The following GLB1L3 variants were observed in gnomAD, a reference collection of about 807,000 sequenced individuals.
The protein encoded by GLB1L3 is galactosidase beta 1 like 3.
GLB1L3 carries 89 observed loss-of-function variants against 89.5 expected under a neutral mutation model. The observed-to-expected ratio is 0.99, with a 90% confidence interval of 0.84 to 1.19. The LOEUF (loss-of-function observed/expected upper bound fraction) is 1.19. Among genes scored for constraint, GLB1L3 ranks in the 50% most tolerant of loss-of-function variants. The pLI, the probability that GLB1L3 is intolerant of heterozygous loss-of-function variation, is 0.00. For missense variants in GLB1L3, 812 were observed against 813.3 expected, an observed-to-expected ratio of 1.00 and a Z score of 0.02; for synonymous variants, 314 against 312.3, an observed-to-expected ratio of 1.01 and a Z score of -0.06.
Position 134,308,093 on chromosome 11 carries a change from CAAT to C in GLB1L3, c.961+889_961+891del, listed in dbSNP as rs1220505459. 2.0e-5 allele frequency among the ~76,000 whole-genome samples: 3 copies of C among 151,256 alleles called. No individual in the cohort carries two copies. In the South Asian group the frequency reaches 6.3e-4, roughly 32 times the overall value. On this transcript the variant is annotated intron_variant, in intron 10 of 19. Coordinates refer to ENST00000431683, the MANE Select transcript of GLB1L3 (RefSeq NM_001080407.3). ...ACAATAATACCATCACTACCACCAA[CAAT>C]AATGCCAGCAACAATACCACCACCA...
rs377677751 is a variant in GLB1L3, at chr11:134,281,480, G to A, written c.431+35G>A. On this transcript the variant is annotated intron_variant, in intron 4 of 19. Transcript: ENST00000431683. ...GTTGCTGCTTCTGTGCCCTGGTCAG[G>A]GGCAGGGCACAGAGGTGGCTACTGG... 8.3e-4 allele frequency: 1,291 copies of A among 1,546,142 alleles called. 84 individuals carry two copies. Among genetic ancestry groups the A allele is most frequent in the Non-Finnish European group, 1.0e-3 (1,135 of 1,125,708 alleles).
chr11:134,289,455 G>T (rs1010870570), intron 7 of GLB1L3, among the ~76,000 whole-genome samples: 4 of 152,058 alleles, frequency 2.6e-5, no homozygotes, highest in African/African-American at 9.7e-5. Flanking sequence ...GGATCCGCAC[G>T]GTTCAAACCT....
chr11:134,292,326 C>T, intron 8 of GLB1L3, 113 bp downstream of exon 8: 1 of 705,392 alleles, frequency 1.4e-6, no homozygotes, highest in Non-Finnish European at 2.5e-6. Flanking sequence ...TTTCCCGTGT[C>T]CACTGGGATG....
intron 6 of GLB1L3, among the ~76,000 whole-genome samples, chr11:134,286,270 T>C (rs2136124693): frequency 6.6e-6 from 1 of 152,204 alleles, no homozygotes; most frequent in East Asian, 1.9e-4. Flanking sequence ...AAAGGAAGAA[T>C]GTGAGAGAGA....
At position 134,292,180 on chromosome 11, in the gene GLB1L3, G is replaced by A. The variant is rs758676879; in HGVS notation, c.778G>A (p.Glu260Lys). Residue 260 changes from glutamate to lysine, a missense_variant, in exon 8 of 20, where the codon GAG (glutamate) becomes AAG (lysine). Physicochemically the swap from Glu to Lys is moderately conservative, Grantham distance 56. Transcript: ENST00000431683. ...GGAGCTTCTCTTGACCTCTGATGGT[G>A]AGAAACATGTGCTGAGTGGCCACAC... ...IVELLLTSDG[E>K]KHVLSGHTKG... 6.2e-7 allele frequency: 1 copy of A among 1,613,682 alleles called. No homozygotes were observed. Among genetic ancestry groups the A allele is most frequent in the South Asian group, 1.1e-5 (1 of 91,006 alleles).
Position 134,318,724 on chromosome 11 carries a change from T to G in GLB1L3, c.1873T>G (p.Trp625Gly), listed in dbSNP as rs1338587925. The part of the protein sequence containing the change: ...PQKTLYLPGV[W>G]LHPEDNEVIL... ...GAAAACACTGTACCTTCCTGGAGTT[T>G]GGCTTCATCCAGAAGACAATGAGGT... Residue 625 changes from tryptophan (W) to glycine (G), a missense_variant, in exon 19 of 20, where the codon TGG becomes GGG. Trp to Gly is a radical substitution (Grantham distance 184). Around this residue, in one of 3 missense-constraint regions of GLB1L3, gnomAD observed 618 missense variants for 604.0 expected, o/e 1.02. Coordinates refer to ENST00000431683, the MANE Select transcript of GLB1L3 (RefSeq NM_001080407.3). 3.7e-6 allele frequency: 6 copies of G among 1,611,382 alleles called. No individual in the cohort carries two copies. The Admixed American group carries it at 1.0e-4, about 27-fold the overall frequency.
intron 10 of GLB1L3, 46 bp downstream of exon 10, chr11:134,307,254 T>C (rs769308484): frequency 1.6e-5 from 22 of 1,376,266 alleles, no homozygotes; most frequent in Non-Finnish European, 2.1e-5. Flanking sequence ...TGGCCCCAGG[T>C]CCCATGAGAA....
intron 6 of GLB1L3, among the ~76,000 whole-genome samples, chr11:134,285,359 G>A (rs1469275057): frequency 1.3e-5 from 2 of 152,118 alleles, no homozygotes; most frequent in East Asian, 1.9e-4. Flanking sequence ...CGGTCTACAA[G>A]ACAGCATTGT....
At chr11:134,310,908 C>A in intron 12 of GLB1L3, 156 bp from the exon 13 acceptor site, 1 of 661,198 alleles carries the variant, frequency 1.5e-6, no homozygotes. Flanking sequence ...GTGATGACTG[C>A]GAAGATTGAG....
chr11:134,313,885 G>A, intron 16 of GLB1L3, 56 bp from the exon 17 acceptor site: 1 of 1,135,984 alleles, frequency 8.8e-7, no homozygotes, highest in Non-Finnish European at 1.3e-6. Context: ...CCAGATGCTA[G>A]AGAATATCCA....
Position 134,307,168 on chromosome 11 carries a change from C to T in GLB1L3, c.921C>T (p.Phe307=), listed in dbSNP as rs764686703. The change falls in exon 10 of 20, where the codon TTC becomes TTT. Residue 307 remains phenylalanine (F), a synonymous_variant. Coordinates refer to ENST00000431683, the MANE Select transcript of GLB1L3 (RefSeq NM_001080407.3). ...TTATGGAATACTGGGTCGGCTGGTTCGACAGATGGGGAGATAAGCACCATG... is the reference window on the plus strand; with the variant it reads ...TTATGGAATACTGGGTCGGCTGGTTTGACAGATGGGGAGATAAGCACCATG... The part of the protein sequence containing the change: ...LLIMEYWVGW[F]DRWGDKHHVK... The T allele has an allele frequency of 1.6e-5, 26 of 1,613,346 alleles. 1 individual carries two copies. The highest frequency in any genetic ancestry group is 9.9e-5 in the South Asian group (9 of 90,994).
intron 8 of GLB1L3, 49 bp downstream of exon 8, chr11:134,292,262 C>A: frequency 7.1e-7 from 1 of 1,409,110 alleles, no homozygotes; most frequent in Non-Finnish European, 1.0e-6. Context: ...TCAGCCAGCC[C>A]GTGTAAATCT....
rs537771618 is a variant in GLB1L3, at chr11:134,277,935, C to T, written c.362+23C>T. 1.1e-5 allele frequency: 17 copies of T among 1,610,278 alleles called. No homozygotes were observed. The Admixed American group carries it at 2.2e-4, about 21-fold the overall frequency. On this transcript the variant is annotated intron_variant, in intron 3 of 19. Coordinates refer to ENST00000431683, the MANE Select transcript of GLB1L3 (RefSeq NM_001080407.3). ...CACGTGAGTGCCGGCCCCTCACCTC[C>T]AGGATCTCGTTACCCTACAAGTGCA...
Position 134,318,703 on chromosome 11 carries a change from A to G in GLB1L3, c.1852A>G (p.Thr618Ala), listed in dbSNP as rs1565425396. The G allele has an allele frequency of 6.2e-7, 1 of 1,613,082 alleles. No homozygotes were observed. The highest frequency in any genetic ancestry group is 8.5e-7 in the Non-Finnish European group (1 of 1,179,348). The change falls in exon 19 of 20, where the codon ACA (threonine) becomes GCA (alanine). Residue 618 changes from threonine to alanine, a missense_variant. By Grantham distance (58) the Thr-to-Ala change is moderately conservative. Coordinates refer to ENST00000431683, the MANE Select transcript of GLB1L3 (RefSeq NM_001080407.3). ...GRYWNIGPQK[T>A]LYLPGVWLHP... The stretch of plus-strand genomic sequence containing the variant: ...ATATTGGAATATTGGGCCTCAGAAA[A>G]CACTGTACCTTCCTGGAGTTTGGCT...
chr11:134,322,159 A>G (rs1204127038), downstream of GLB1L3, among the ~76,000 whole-genome samples: 3 of 152,228 alleles, frequency 2.0e-5, no homozygotes, highest in South Asian at 6.2e-4. Flanking sequence ...AAGGAACTAT[A>G]GTAACTGTAT....
downstream of GLB1L3, among the ~76,000 whole-genome samples, chr11:134,321,179 C>T (rs1249983207): frequency 6.6e-6 from 1 of 152,166 alleles, no homozygotes; most frequent in Non-Finnish European, 1.5e-5. Flanking sequence ...GGCAAAAACA[C>T]TGTGTAAAGC....
At position 134,314,007 on chromosome 11, in the gene GLB1L3, T is replaced by A. The variant is rs561743859; in HGVS notation, c.1646T>A (p.Met549Lys). 1.5e-5 allele frequency: 24 copies of A among 1,611,724 alleles called. No individual in the cohort carries two copies. The Admixed American group carries it at 3.3e-4, about 22-fold the overall frequency. ...LEGFTIYSLE[M>K]KMSFFERLRS... ...GGCTTTACCATCTATTCCCTGGAGA[T>A]GAAAATGAGCTTCTTTGAGAGGTAT... is the stretch of plus-strand genomic sequence containing the variant. Residue 549 changes from methionine (M) to lysine (K), a missense_variant, in exon 17 of 20, where the codon ATG becomes AAG. Met to Lys is a moderately conservative substitution (Grantham distance 95). Coordinates refer to ENST00000431683, the MANE Select transcript of GLB1L3 (RefSeq NM_001080407.3).
chr11:134,307,028 C>T, intron 9 of GLB1L3, 96 bp from the exon 10 acceptor site: 1 of 783,468 alleles, frequency 1.3e-6, no homozygotes, highest in Admixed American at 2.5e-5. Flanking sequence ...AGGAGAAACG[C>T]ATGAGTTCCT....
chr11:134,283,524 G>T (rs10894792), intron 5 of GLB1L3, among the ~76,000 whole-genome samples: 20,252 of 152,196 alleles, frequency 0.13, 1,580 homozygotes, highest in Admixed American at 0.24. Context: ...TGCCTTGGAG[G>T]TGGAGGCGGC....
Sources: allele counts gnomAD v4.1 joint callset (sites outside exome capture counted in the v4.1 genomes callset), GRCh38; gene constraint gnomAD v4.1.1; regional missense constraint gnomAD v4.1.1; transcripts MANE v1.5; gene names NCBI Gene and HGNC (gene_info 2026-07-23, HGNC 2026-07-21).